The following CCDC175 variants were observed in gnomAD, a reference collection of about 807,000 sequenced individuals.
CCDC175 encodes coiled-coil domain-containing protein 175.
In CCDC175, 100 loss-of-function variants were observed where a neutral mutation model predicts 114.6. The ratio of observed to expected loss-of-function variants is 0.87; its 90% CI spans 0.74 to 1.03. The LOEUF is 1.03. CCDC175 is among the 50% of genes least tolerant of loss of function. CCDC175 has a pLI of 0.00. For synonymous variants in CCDC175, 306 were observed against 308.7 expected, an observed-to-expected ratio of 0.99 and a Z score of 0.09; for missense variants, 880 against 917.8, an observed-to-expected ratio of 0.96 and a Z score of 0.53.
chr14:59,508,463 CTG>C (rs1892566864), intron 19 of CCDC175, among the ~76,000 whole-genome samples: 1 of 129,922 alleles, frequency 7.7e-6, no homozygotes, highest in African/African-American at 3.0e-5. Flanking sequence ...TGGCACGTGC[CTG>C]TAGTCCCTGC....
chr14:59,514,293 G>C (rs940058156), intron 17 of CCDC175, among the ~76,000 whole-genome samples: 3 of 152,196 alleles, frequency 2.0e-5, no homozygotes, highest in African/African-American at 7.2e-5. Context: ...CTCCTCACCA[G>C]CAATGGAACA....
intron 9 of CCDC175, among the ~76,000 whole-genome samples, 187 bp downstream of exon 9, chr14:59,544,976 T>G (rs1595037561): frequency 6.6e-6 from 1 of 152,334 alleles, no homozygotes; most frequent in East Asian, 1.9e-4. Flanking sequence ...AAGCAGCCAG[T>G]CTATGGTATT....
Position 59,535,132 on chromosome 14 carries a change from G to A in CCDC175, c.1623+2891C>T, listed in dbSNP as rs140309963. ...GGATTACAATGTGCCTGAGGTTATTGGTGCTGATTATCGAGGGGAAATTGG... is the reference window on the plus strand; with the variant it reads ...GGATTACAATGTGCCTGAGGTTATTAGTGCTGATTATCGAGGGGAAATTGG... On this transcript the variant is annotated intron_variant, in intron 13 of 19. Transcript: ENST00000537690. Among the ~76,000 whole-genome samples the A allele has an allele frequency of 3.6e-3, 541 of 152,238 alleles. 2 individuals are homozygous for A. Among genetic ancestry groups the A allele is most frequent in the African/African-American group, 0.012 (518 of 41,526 alleles).
chr14:59,516,006 A>G (rs1298582933), intron 17 of CCDC175, among the ~76,000 whole-genome samples: 2 of 152,242 alleles, frequency 1.3e-5, no homozygotes, highest in East Asian at 3.9e-4. Flanking sequence ...ACTCAGGATT[A>G]AGAAACTCAC....
intron 16 of CCDC175, among the ~76,000 whole-genome samples, chr14:59,524,869 A>G (rs1227823932): frequency 6.6e-6 from 1 of 152,208 alleles, no homozygotes; most frequent in Non-Finnish European, 1.5e-5. Context: ...CATACAGTGC[A>G]ATACTATACA....
chr14:59,558,851 T>C (rs1896069078), intron 7 of CCDC175, among the ~76,000 whole-genome samples: 1 of 151,994 alleles, frequency 6.6e-6, no homozygotes, highest in Non-Finnish European at 1.5e-5. Context: ...CAGAGAATAG[T>C]GAAGGACTGA....
At chr14:59,525,686 G>A (rs995636667) in intron 15 of CCDC175, among the ~76,000 whole-genome samples, 5 of 152,068 alleles carry the variant, frequency 3.3e-5, no homozygotes, top group Admixed American at 3.3e-4. Flanking sequence ...TATACAGTCA[G>A]CCCTCTGTAT....
At chr14:59,548,718 T>C (rs1739188841) in intron 8 of CCDC175, among the ~76,000 whole-genome samples, 1 of 152,228 alleles carries the variant, frequency 6.6e-6, no homozygotes, top group South Asian at 2.1e-4. Flanking sequence ...CAACCTTGTC[T>C]GGTTTCTGTC....
chr14:59,553,277 T>G (rs1895644318), intron 7 of CCDC175, among the ~76,000 whole-genome samples: 1 of 152,154 alleles, frequency 6.6e-6, no homozygotes, highest in African/African-American at 2.4e-5. Flanking sequence ...CAGCAGAAAC[T>G]CTACAAGCCA....
At position 59,511,762 on chromosome 14, in the gene CCDC175, T is replaced by C; in HGVS notation, c.2140A>G (p.Lys714Glu). 1 of 1,536,380 alleles carries C rather than the reference T, an allele frequency of 6.5e-7. No homozygotes were observed. The highest frequency in any genetic ancestry group is 8.7e-7 in the Non-Finnish European group (1 of 1,146,168). ...DLWAEFQTTV[K>E]ILVDNGEETL... ...CAACAGACACACGCAAAACTCACCT[T>C]AACTGTGGTCTGAAATTCAGCCCAC... Residue 714 changes from lysine to glutamate, a missense_variant and splice_region_variant, in exon 18 of 20, where the codon AAG becomes GAG. Lys to Glu is a moderately conservative substitution (Grantham distance 56). Transcript: ENST00000537690.
intron 1 of CCDC175, among the ~76,000 whole-genome samples, chr14:59,576,271 A>G (rs867570121): frequency 6.6e-6 from 1 of 152,212 alleles, no homozygotes; most frequent in Admixed American, 6.5e-5. Flanking sequence ...TTGTAAAGGA[A>G]CGGCAAGAAG....
At chr14:59,524,160 T>C (rs896248367) in intron 16 of CCDC175, among the ~76,000 whole-genome samples, 1 of 152,194 alleles carries the variant, frequency 6.6e-6, no homozygotes, top group Non-Finnish European at 1.5e-5. Flanking sequence ...GAATATTATG[T>C]AAATTTTTGT....
At chr14:59,512,155 A>G (rs1892792830) in intron 17 of CCDC175, among the ~76,000 whole-genome samples, 2 of 152,220 alleles carry the variant, frequency 1.3e-5, no homozygotes, top group African/African-American at 4.8e-5. Context: ...CAGACACAAA[A>G]AGATTAGCAA....
chr14:59,556,796 G>T (rs551769741), intron 7 of CCDC175, among the ~76,000 whole-genome samples: 1 of 152,162 alleles, frequency 6.6e-6, no homozygotes, highest in Non-Finnish European at 1.5e-5. Context: ...CCATCAAAAA[G>T]TGGGCAAAGT....
At chr14:59,529,640 A>T (rs1566605607) in intron 14 of CCDC175, among the ~76,000 whole-genome samples, 1 of 152,110 alleles carries the variant, frequency 6.6e-6, no homozygotes, top group Non-Finnish European at 1.5e-5. Flanking sequence ...TGTTGATATT[A>T]TCAGGTAATA....
chr14:59,563,916 A>T (rs943313354), intron 5 of CCDC175, 57 bp from the exon 6 acceptor site: 4 of 1,185,022 alleles, frequency 3.4e-6, no homozygotes, highest in Non-Finnish European at 4.4e-6. Flanking sequence ...AACAAAGTTT[A>T]AAAAATCTTT....
At chr14:59,561,274 G>T in intron 6 of CCDC175, 46 bp from the exon 7 acceptor site, 1 of 991,424 alleles carries the variant, frequency 1.0e-6, no homozygotes, top group South Asian at 1.4e-5. Flanking sequence ...ATCACCAAGT[G>T]ATTCATAACA....
intron 17 of CCDC175, among the ~76,000 whole-genome samples, chr14:59,518,846 C>G (rs1426653035): frequency 6.6e-6 from 1 of 152,098 alleles, no homozygotes; most frequent in African/African-American, 2.4e-5. Flanking sequence ...ATAAATCATG[C>G]TGCTATAAAG....
chr14:59,565,989 A>G (rs1029055541), intron 4 of CCDC175, among the ~76,000 whole-genome samples: 1 of 152,184 alleles, frequency 6.6e-6, no homozygotes, highest in Non-Finnish European at 1.5e-5. Flanking sequence ...AAGAAAGAGA[A>G]ATCTCATCAC....
Sources: gnomAD v4.1 joint callset for allele counts (sites outside exome capture counted in the v4.1 genomes callset) on GRCh38, gnomAD v4.1.1 for gene constraint, MANE v1.5 for transcripts, NCBI Gene and HGNC (gene_info 2026-07-23, HGNC 2026-07-21) for gene names.